The following PLEKHA1 variants were observed in gnomAD, a reference collection of about 807,000 sequenced individuals.
PLEKHA1 encodes the protein pleckstrin homology domain-containing family A member 1.
In PLEKHA1, 34 loss-of-function variants were observed where a neutral mutation model predicts 52.0. The observed-to-expected ratio is 0.65, with a 90% CI of 0.50 to 0.87. The LOEUF (loss-of-function observed/expected upper bound fraction) is 0.87, where lower values mean the gene tolerates loss of function less well. Among genes scored for constraint, PLEKHA1 ranks in the 40% least tolerant of loss-of-function variants. The pLI is 0.00. For missense variants in PLEKHA1, 497 were observed against 504.2 expected (o/e 0.99, Z 0.14); for synonymous variants, 163 against 170.7 (o/e 0.95, Z 0.35).
Position 122,393,252 on chromosome 10 carries a change from GA to G in PLEKHA1, c.56del (p.Asn19MetfsTer55). ...NRICGFLDIE[E>X]NENSGKFLRR... is the part of the protein sequence containing the mutation. Reference sequence around the variant, plus strand: ...CATTTGTGGTTTTCTAGACATTGAAGAAAATGAAAACAGTGGGAAATTTCTT... The same window carrying G: ...CATTTGTGGTTTTCTAGACATTGAAGAAATGAAAACAGTGGGAAATTTCTT... On this transcript the variant is annotated frameshift_variant, in exon 2 of 12. Transcript: ENST00000368990. LOFTEE classifies it high-confidence loss of function. The surrounding 1 kb of genome is among the most constrained non-coding windows in gnomAD (Gnocchi z 4.5). The G allele has an allele frequency of 1.2e-6, 2 of 1,612,300 alleles. No individual in the cohort carries two copies. The highest frequency in any genetic ancestry group is 1.7e-6 in the Non-Finnish European group (2 of 1,179,212).
chr10:122,427,076 C>T (rs202173662), intron 11 of PLEKHA1, 45 bp downstream of exon 11: 1 of 1,514,532 alleles, frequency 6.6e-7, no homozygotes, highest in Admixed American at 1.7e-5. Context: ...GCGTCTCCCC[C>T]ATCCTATCAA....
In PLEKHA1 at chr10:122,430,107, T is replaced by C. The variant is rs769516489; in HGVS notation, c.*169T>C. The stretch of plus-strand genomic sequence containing the variant: ...CCAAGAATCTAGGGAGTGGCCAAAC[T>C]AAATATAATTTCTTTAAAAAAGAAA... On this transcript the variant is annotated 3_prime_UTR_variant, in exon 12 of 12. Coordinates refer to ENST00000368990, the MANE Select transcript of PLEKHA1 (RefSeq NM_001001974.4). 44 of 678,780 alleles carry C rather than the reference T, an allele frequency of 6.5e-5. No homozygotes were observed. Among genetic ancestry groups the C allele is most frequent in the Non-Finnish European group, 8.5e-5 (38 of 447,298 alleles). The allele number at this position is 678,780 out of a possible 1,614,324, so 42.0% of individuals were successfully genotyped here.
intron 1 of PLEKHA1, among the ~76,000 whole-genome samples, chr10:122,390,516 G>A (rs1275139829): frequency 1.3e-5 from 2 of 152,206 alleles, no homozygotes; most frequent in African/African-American, 4.8e-5. Context: ...GGTGGCTCAT[G>A]CCTGTAATCC....
intron 1 of PLEKHA1, among the ~76,000 whole-genome samples, chr10:122,377,161 CATT>C (rs1453497337): frequency 2.0e-5 from 3 of 152,036 alleles, no homozygotes; most frequent in Admixed American, 6.5e-5. Flanking sequence ...GATGTCAAGT[CATT>C]ATTGTTTAAA....
chr10:122,429,524 G>A (rs1288868571), intron 11 of PLEKHA1, 100 bp from the exon 12 acceptor site: 3 of 882,196 alleles, frequency 3.4e-6, no homozygotes, highest in South Asian at 1.7e-5. Context: ...GTGTGTGTGT[G>A]TGTGTGTTTT....
chr10:122,412,867 G>GT, intron 5 of PLEKHA1, 53 bp from the exon 6 acceptor site: 2 of 1,588,704 alleles, frequency 1.3e-6, no homozygotes, highest in Non-Finnish European at 1.7e-6. Context: ...GAGAAAACAG[G>GT]TTCACATGTA....
At chr10:122,391,910 TAC>T (rs1481138204) in intron 1 of PLEKHA1, among the ~76,000 whole-genome samples, 1 of 152,214 alleles carries the variant, frequency 6.6e-6, no homozygotes, top group Non-Finnish European at 1.5e-5. Context: ...GTGATGCAGA[TAC>T]ATAGTATATC....
intron 1 of PLEKHA1, among the ~76,000 whole-genome samples, chr10:122,385,761 T>C (rs1353597214): frequency 1.3e-5 from 2 of 152,246 alleles, no homozygotes; most frequent in Non-Finnish European, 2.9e-5. Context: ...GTCTGGCTTC[T>C]TTCACATACC....
At chr10:122,399,948 A>C (rs930047112) in intron 3 of PLEKHA1, among the ~76,000 whole-genome samples, 1 of 152,222 alleles carries the variant, frequency 6.6e-6, no homozygotes, top group Non-Finnish European at 1.5e-5. Flanking sequence ...CTTAAAAATC[A>C]TAGCTAATTT....
chr10:122,393,248 T>C lies in PLEKHA1; in HGVS notation c.48T>C (p.Ile16=), dbSNP rs774786276. 2.5e-6 allele frequency: 4 copies of C among 1,612,822 alleles called. No individual in the cohort carries two copies. In the South Asian group the frequency reaches 4.4e-5, roughly 18 times the overall value. ...ATCGCATTTGTGGTTTTCTAGACAT[T>C]GAAGAAAATGAAAACAGTGGGAAAT... ...RQNRICGFLD[I]EENENSGKFL... The change falls in exon 2 of 12, where the codon ATT becomes ATC. Residue 16 remains isoleucine, a synonymous_variant. Coordinates refer to ENST00000368990, the MANE Select transcript of PLEKHA1 (RefSeq NM_001001974.4). The surrounding 1 kb of genome is among the most constrained non-coding windows in gnomAD (Gnocchi z 4.5).
At chr10:122,429,494 TTG>T (rs35620141) in intron 11 of PLEKHA1, 128 bp from the exon 12 acceptor site, 24,732 of 643,376 alleles carry the variant, frequency 0.038, 18 homozygotes, top group Middle Eastern at 0.046. Flanking sequence ...GCTGCTGCCT[TTG>T]TGTGTGTGTG....
At position 122,385,411 on chromosome 10, in the gene PLEKHA1, G is replaced by A. The variant is rs536790893; in HGVS notation, c.-20-7770G>A. On this transcript the variant is annotated intron_variant, in intron 1 of 11. Transcript: ENST00000368990. ...AGGCCCACTGCAACCTCCGCCTCCC[G>A]GGTTCAAGCAATTCTCCTGCCTCAG... 6.2e-5 allele frequency among the ~76,000 whole-genome samples: 9 copies of A among 145,354 alleles called. No individual in the cohort carries two copies. In the South Asian group the frequency reaches 7.1e-4, roughly 11 times the overall value.
chr10:122,439,694 T>G, the PLEKHA1 span: 1 of 152,146 alleles, frequency 6.6e-6, no homozygotes, highest in Non-Finnish European at 1.5e-5. Flanking sequence ...TAAGCTGAGA[T>G]GGTGCCACTA....
intron 1 of PLEKHA1, among the ~76,000 whole-genome samples, chr10:122,388,749 G>A (rs917397345): frequency 6.6e-6 from 1 of 152,170 alleles, no homozygotes; most frequent in African/African-American, 2.4e-5. Flanking sequence ...TTTTTTGCTA[G>A]TGGAGAGTTT....
At chr10:122,417,645 CAAA>C (rs373627172) in intron 7 of PLEKHA1, among the ~76,000 whole-genome samples, 6 of 94,250 alleles carry the variant, frequency 6.4e-5, no homozygotes, top group Non-Finnish European at 2.2e-5. Flanking sequence ...GACTCTGTCT[CAAA>C]AAAAAAAAAA....
chr10:122,406,016 A>G (rs1158864308), intron 4 of PLEKHA1, among the ~76,000 whole-genome samples: 2 of 152,198 alleles, frequency 1.3e-5, no homozygotes, highest in Non-Finnish European at 2.9e-5. Flanking sequence ...GCAGACTACC[A>G]GCCCCAGTGC....
At chr10:122,409,746 A>G (rs1212409691) in intron 5 of PLEKHA1, among the ~76,000 whole-genome samples, 1 of 151,954 alleles carries the variant, frequency 6.6e-6, no homozygotes, top group Non-Finnish European at 1.5e-5. Flanking sequence ...ATCCTCAGTG[A>G]ATTGAACATT....
chr10:122,404,121 G>A (rs1204567677), intron 4 of PLEKHA1, among the ~76,000 whole-genome samples: 2 of 152,184 alleles, frequency 1.3e-5, no homozygotes, highest in East Asian at 1.9e-4. Flanking sequence ...GGTGGAATGA[G>A]TGACATTCCC....
intron 1 of PLEKHA1, among the ~76,000 whole-genome samples, chr10:122,384,465 G>A (rs940465469): frequency 2.0e-5 from 3 of 151,938 alleles, no homozygotes; most frequent in East Asian, 3.9e-4. Context: ...AAAATTAGCC[G>A]GGTGAGGTGG....
Sources: allele counts gnomAD v4.1 joint callset (sites outside exome capture counted in the v4.1 genomes callset), GRCh38; gene constraint gnomAD v4.1.1; non-coding constraint Gnocchi (gnomAD v3.1); transcripts MANE v1.5; gene names NCBI Gene and HGNC (gene_info 2026-07-23, HGNC 2026-07-21).